The following TTC27 variants were observed in gnomAD, a reference collection of about 807,000 sequenced individuals.
The protein encoded by TTC27 is tetratricopeptide repeat protein 27.
In TTC27, 79 loss-of-function variants were observed where a neutral mutation model predicts 115.9. The ratio of observed to expected loss-of-function variants is 0.68; its 90% confidence interval spans 0.57 to 0.82. The LOEUF is 0.82. TTC27 is among the 40% of genes least tolerant of loss of function. TTC27 has a pLI of 0.00. For missense variants in TTC27, 1,054 were observed against 993.1 expected (o/e 1.06, Z -0.82); for synonymous variants, 401 against 356.0 (o/e 1.13, Z -1.42).
Position 32,683,923 on chromosome 2 carries a change from A to C in TTC27, c.1119+5001A>C, listed in dbSNP as rs560541753. Among the ~76,000 whole-genome samples the C allele has an allele frequency of 3.3e-5, 5 of 152,214 alleles. No individual in the cohort carries two copies. In the South Asian group the frequency reaches 8.3e-4, roughly 25 times the overall value. ...GTAATCCCAGCACTTTGGGAGGCCA[A>C]GGTGGGCAGATCACAAGGTCAGTAG... On this transcript the variant is annotated intron_variant, in intron 9 of 19. Coordinates refer to ENST00000317907, the MANE Select transcript of TTC27 (RefSeq NM_017735.5).
At chr2:32,717,917 A>G (rs1048088761) in intron 10 of TTC27, among the ~76,000 whole-genome samples, 4 of 152,154 alleles carry the variant, frequency 2.6e-5, no homozygotes, top group Non-Finnish European at 5.9e-5. Context: ...CATATATTAT[A>G]CCTGCTTATA....
intron 4 of TTC27, among the ~76,000 whole-genome samples, chr2:32,649,893 A>C (rs999543860): frequency 6.6e-6 from 1 of 151,978 alleles, no homozygotes; most frequent in African/African-American, 2.4e-5. Context: ...TGGCATAAGG[A>C]AGTCCAAGTG....
At chr2:32,658,357 A>T (rs1665413637) in intron 5 of TTC27, among the ~76,000 whole-genome samples, 1 of 151,912 alleles carries the variant, frequency 6.6e-6, no homozygotes, top group African/African-American at 2.4e-5. Context: ...TCAAGTGATC[A>T]TCTCACCTCA....
intron 10 of TTC27, among the ~76,000 whole-genome samples, chr2:32,712,629 G>A (rs935264202): frequency 2.0e-5 from 3 of 151,412 alleles, no homozygotes; most frequent in South Asian, 2.1e-4. Context: ...GCATGATCTC[G>A]GGACTGCGAT....
chr2:32,710,650 A>G (rs902882256), intron 10 of TTC27, among the ~76,000 whole-genome samples: 13 of 150,562 alleles, frequency 8.6e-5, no homozygotes, highest in Non-Finnish European at 1.5e-4. Flanking sequence ...GCTGGTGTTG[A>G]ACTCCTGACC....
intron 16 of TTC27, among the ~76,000 whole-genome samples, chr2:32,792,450 C>G (rs1349368417): frequency 6.6e-6 from 1 of 152,092 alleles, no homozygotes; most frequent in Non-Finnish European, 1.5e-5. Context: ...CGTATTTAAC[C>G]TAAAGCCCTT....
chr2:32,754,484 C>G (rs1009150761), intron 12 of TTC27, among the ~76,000 whole-genome samples: 6 of 149,514 alleles, frequency 4.0e-5, no homozygotes, highest in African/African-American at 1.5e-4. Flanking sequence ...TCAACAGTAT[C>G]CCAAGGCAGA....
At chr2:32,743,389 C>A (rs1194084243) in intron 12 of TTC27, among the ~76,000 whole-genome samples, 3 of 152,124 alleles carry the variant, frequency 2.0e-5, no homozygotes, top group Non-Finnish European at 4.4e-5. Context: ...ATATTCTTTA[C>A]CCCAAACCCA....
chr2:32,724,330 G>C (rs1668038848), intron 10 of TTC27, among the ~76,000 whole-genome samples: 1 of 152,132 alleles, frequency 6.6e-6, no homozygotes, highest in Admixed American at 6.5e-5. Flanking sequence ...GTGAGATATT[G>C]TTTGCCTTTT....
In TTC27 at chr2:32,695,748, A is replaced by AT. The variant is rs1385106063; in HGVS notation, c.1120-7059_1120-7058insT. On this transcript the variant is annotated intron_variant, in intron 9 of 19. Coordinates refer to ENST00000317907, the MANE Select transcript of TTC27 (RefSeq NM_017735.5). ...AAAAAAAAAAAAAAAAAAAAAAAAAAAGCTGGGTGTGGTGGCGGGTGCCTG... is the reference window on the plus strand; with the variant it reads ...AAAAAAAAAAAAAAAAAAAAAAAAAATAGCTGGGTGTGGTGGCGGGTGCCTG... Among the ~76,000 whole-genome samples, 60 of 108,724 alleles carry AT rather than the reference A, an allele frequency of 5.5e-4. 13 individuals are homozygous for AT. The highest frequency in any genetic ancestry group is 1.6e-3 in the African/African-American group (42 of 26,734). The allele number at this position is 108,724 out of a possible 152,430, so 71.3% of individuals were successfully genotyped here.
intron 13 of TTC27, among the ~76,000 whole-genome samples, chr2:32,772,568 AAAAAT>A (rs915299625): frequency 9.2e-5 from 14 of 152,316 alleles, no homozygotes; most frequent in African/African-American, 3.1e-4. Context: ...ACACTTTTTA[AAAAAT>A]AAAATCGGCT....
intron 12 of TTC27, among the ~76,000 whole-genome samples, chr2:32,757,691 CT>C (rs777607546): frequency 1.3e-3 from 198 of 149,520 alleles, no homozygotes; most frequent in African/African-American, 4.5e-3. Context: ...GTAAAAACAA[CT>C]TTTTTTTTTG....
At chr2:32,666,823 A>G in intron 7 of TTC27, 55 bp downstream of exon 7, 3 of 1,582,812 alleles carry the variant, frequency 1.9e-6, no homozygotes, top group Non-Finnish European at 2.6e-6. Context: ...TAAGAATTTC[A>G]ATAGCTGAGT....
chr2:32,634,152 G>A, intron 3 of TTC27, 147 bp downstream of exon 3: 1 of 949,876 alleles, frequency 1.1e-6, no homozygotes. Flanking sequence ...TCATTGATCA[G>A]ATTTTCACAG....
At chr2:32,794,770 C>G (rs1670643665) in intron 16 of TTC27, among the ~76,000 whole-genome samples, 1 of 151,882 alleles carries the variant, frequency 6.6e-6, no homozygotes, top group African/African-American at 2.4e-5. Context: ...ACTACTGATT[C>G]TACAGAAATA....
chr2:32,695,965 A>G (rs564440031), intron 9 of TTC27, among the ~76,000 whole-genome samples: 1 of 151,158 alleles, frequency 6.6e-6, no homozygotes, highest in African/African-American at 2.4e-5. Context: ...ACAAATAAAA[A>G]TACGAAAATT....
intron 9 of TTC27, among the ~76,000 whole-genome samples, chr2:32,697,010 G>C (rs1017593173): frequency 6.6e-6 from 1 of 152,118 alleles, no homozygotes; most frequent in Non-Finnish European, 1.5e-5. Context: ...ACCCGCCTGG[G>C]TGAAACCCTG....
chr2:32,797,473 T>G (rs1451413783), intron 16 of TTC27, among the ~76,000 whole-genome samples: 1 of 152,184 alleles, frequency 6.6e-6, no homozygotes, highest in African/African-American at 2.4e-5. Flanking sequence ...CTTCTGTGCC[T>G]GACTCAAATG....
chr2:32,792,167 A>G (rs897921699), intron 16 of TTC27, among the ~76,000 whole-genome samples: 27 of 152,218 alleles, frequency 1.8e-4, no homozygotes, highest in African/African-American at 6.3e-4. Flanking sequence ...GTGTATTTTT[A>G]TTTGATGCTT....
Sources: allele counts gnomAD v4.1 joint callset (sites outside exome capture counted in the v4.1 genomes callset), GRCh38; gene constraint gnomAD v4.1.1; transcripts MANE v1.5; gene names NCBI Gene and HGNC (gene_info 2026-07-23, HGNC 2026-07-21).